The following CNTN1 variants were observed in gnomAD, a reference collection of about 807,000 sequenced individuals.
The protein encoded by CNTN1 is contactin-1.
Under a neutral mutation model 126.4 loss-of-function variants are expected in CNTN1, and 38 were observed. The ratio of observed to expected loss-of-function variants is 0.30; its 90% CI spans 0.23 to 0.39. The LOEUF (loss-of-function observed/expected upper bound fraction) is 0.39, where lower values mean the gene tolerates loss of function less well. Among genes scored for constraint, CNTN1 ranks in the 10% least tolerant of loss-of-function variants. CNTN1 has a pLI of 1.00. For missense variants in CNTN1, 1,009 were observed against 1,248.4 expected, an observed-to-expected ratio of 0.81 and a Z score of 2.89; for synonymous variants, 413 against 422.6, an observed-to-expected ratio of 0.98 and a Z score of 0.28.
intron 1 of CNTN1, among the ~76,000 whole-genome samples, chr12:40,796,080 A>G (rs565904683): frequency 6.6e-6 from 1 of 152,216 alleles, no homozygotes; most frequent in South Asian, 2.1e-4. Flanking sequence ...ACTATGATCG[A>G]TGACCAGTGA....
intron 18 of CNTN1, 151 bp from the exon 19 acceptor site, chr12:41,016,530 GT>G: frequency 1.5e-6 from 1 of 657,828 alleles, no homozygotes; most frequent in Non-Finnish European, 2.7e-6. Context: ...GTTTAAGTAT[GT>G]TTTTCCTCTG....
At chr12:40,852,219 G>T (rs73120729) in intron 1 of CNTN1, among the ~76,000 whole-genome samples, 3,121 of 152,254 alleles carry the variant, frequency 0.02, 106 homozygotes, top group African/African-American at 0.071. Flanking sequence ...GCAAGTCAGT[G>T]AAAGCAAACA....
At chr12:40,710,129 C>A (rs1941876171) in intron 1 of CNTN1, among the ~76,000 whole-genome samples, 1 of 152,000 alleles carries the variant, frequency 6.6e-6, no homozygotes, top group African/African-American at 2.4e-5. Flanking sequence ...TTTTATTTGA[C>A]TTTTTTCCCA....
intron 1 of CNTN1, among the ~76,000 whole-genome samples, chr12:40,907,503 A>G (rs1397500525): frequency 9.9e-5 from 15 of 152,198 alleles, no homozygotes; most frequent in Non-Finnish European, 1.0e-4. Context: ...CACCTGCATG[A>G]GGCTATTCCA....
intron 23 of CNTN1, among the ~76,000 whole-genome samples, chr12:41,032,032 T>C (rs1038540701): frequency 4.6e-5 from 7 of 152,196 alleles, no homozygotes; most frequent in Admixed American, 6.5e-5. Flanking sequence ...TTATGCTGTT[T>C]GTTCATTCAT....
intron 1 of CNTN1, among the ~76,000 whole-genome samples, chr12:40,739,696 T>C (rs1261465463): frequency 1.3e-5 from 2 of 152,070 alleles, no homozygotes; most frequent in Non-Finnish European, 2.9e-5. Context: ...GGTCAAATGC[T>C]AGAGTTTGAC....
chr12:40,830,801 A>G (rs1251324933), intron 1 of CNTN1, among the ~76,000 whole-genome samples: 3,214 of 91,898 alleles, frequency 0.035, 103 homozygotes, highest in Non-Finnish European at 0.042. Flanking sequence ...GTATATATAT[A>G]TATATATATA....
At chr12:40,835,836 AC>A (rs1942029275) in intron 1 of CNTN1, among the ~76,000 whole-genome samples, 1 of 149,346 alleles carries the variant, frequency 6.7e-6, no homozygotes, top group Non-Finnish European at 1.5e-5. Context: ...ACACACACAC[AC>A]ACAAGTTGGA....
At chr12:40,872,212 TTGTGTGTG>T (rs61187240) in intron 1 of CNTN1, among the ~76,000 whole-genome samples, 5,883 of 113,482 alleles carry the variant, frequency 0.052, 183 homozygotes, top group African/African-American at 0.12. Context: ...GTTGCTTTGT[TTGTGTGTG>T]TGTGTGTGTG....
chr12:40,974,800 G>A (rs979536682), intron 15 of CNTN1, among the ~76,000 whole-genome samples: 1 of 152,012 alleles, frequency 6.6e-6, no homozygotes, highest in Non-Finnish European at 1.5e-5. Context: ...TTATTGGTAA[G>A]AATTATAAAA....
intron 1 of CNTN1, among the ~76,000 whole-genome samples, chr12:40,881,279 A>C (rs7969928): frequency 0.69 from 104,573 of 151,638 alleles, 36,748 homozygotes; most frequent in African/African-American, 0.84. Flanking sequence ...GAGAGAATGA[A>C]CACGTACTAT....
chr12:40,922,520 T>A (rs1461161683), intron 5 of CNTN1, 92 bp downstream of exon 5: 1 of 1,196,704 alleles, frequency 8.4e-7, no homozygotes, highest in Non-Finnish European at 1.2e-6. Flanking sequence ...GAGGAAGGCA[T>A]CATAGATGAG....
intron 14 of CNTN1, among the ~76,000 whole-genome samples, chr12:40,947,074 C>G (rs79458012): frequency 0.092 from 13,960 of 151,826 alleles, 807 homozygotes; most frequent in Non-Finnish European, 0.12. Flanking sequence ...ATAACACTGT[C>G]TTTGTATTTA....
intron 15 of CNTN1, among the ~76,000 whole-genome samples, chr12:40,969,574 A>G (rs1377783716): frequency 1.3e-5 from 2 of 152,204 alleles, no homozygotes; most frequent in Admixed American, 6.6e-5. Context: ...AACTGATTGC[A>G]GATTTTGGCA....
At chr12:40,965,525 A>G (rs1191265717) in intron 15 of CNTN1, among the ~76,000 whole-genome samples, 2 of 152,174 alleles carry the variant, frequency 1.3e-5, no homozygotes, top group African/African-American at 4.8e-5. Flanking sequence ...TTCTGTTCCT[A>G]CTATCTGGCA....
chr12:40,786,597 C>T (rs935227), intron 1 of CNTN1, among the ~76,000 whole-genome samples: 121,677 of 152,048 alleles, frequency 0.8, 48,984 homozygotes, highest in South Asian at 0.86. Flanking sequence ...TAGAGACTGT[C>T]CAATCTTCAG....
chr12:40,830,645 GACAA>G (rs1941778213), intron 1 of CNTN1, among the ~76,000 whole-genome samples: 2 of 149,624 alleles, frequency 1.3e-5, no homozygotes, highest in Admixed American at 1.3e-4. Context: ...AGAAATAATT[GACAA>G]TAATATTTTA....
intron 15 of CNTN1, 147 bp downstream of exon 15, chr12:40,959,381 T>C: frequency 1.2e-6 from 1 of 845,724 alleles, no homozygotes; most frequent in Non-Finnish European, 1.9e-6. Flanking sequence ...CTTCTTCCCA[T>C]GCCTAAGAAT....
At chr12:40,812,806 C>G (rs1941114410) in intron 1 of CNTN1, among the ~76,000 whole-genome samples, 1 of 152,030 alleles carries the variant, frequency 6.6e-6, no homozygotes. Flanking sequence ...TAGGTAGCAT[C>G]TAGTTAGGTC....
Sources: gnomAD v4.1 joint callset for allele counts (sites outside exome capture counted in the v4.1 genomes callset) on GRCh38, gnomAD v4.1.1 for gene constraint, MANE v1.5 for transcripts, NCBI Gene and HGNC (gene_info 2026-07-23, HGNC 2026-07-21) for gene names.